Variants in C2CD4B observed in about 807,000 individuals in gnomAD.
The protein encoded by C2CD4B is C2 calcium dependent domain containing 4B.
For synonymous variants in C2CD4B, 347 were observed against 284.9 expected (o/e 1.22, Z -2.20); for missense variants, 644 against 577.7 (o/e 1.11, Z -1.18).
Position 62,164,790 on chromosome 15 carries a change from C to T in C2CD4B, c.195G>A (p.Trp65Ter), listed in dbSNP as rs757781866. 3 of 1,476,062 alleles carry T rather than the reference C, an allele frequency of 2.0e-6. No individual in the cohort carries two copies. The highest frequency in any genetic ancestry group is 8.9e-7 in the Non-Finnish European group (1 of 1,124,482). The allele number at this position is 1,476,062 out of a possible 1,614,324, so 91.4% of individuals were successfully genotyped here. The change falls in exon 2 of 2, where the codon TGG (tryptophan) becomes TGA (stop). Residue 65 changes from tryptophan (W) to a stop codon, truncating the protein, a stop_gained. Transcript: ENST00000380392. LOFTEE classifies it low-confidence loss of function (END_TRUNC). ...CGGCGTCCTCGTCTGCCGCGCGGGGCCACAGGTCGCTTTCAGCGGCGCAGC... is the reference window on the plus strand; with the variant it reads ...CGGCGTCCTCGTCTGCCGCGCGGGGTCACAGGTCGCTTTCAGCGGCGCAGC... ...PRRCAAESDL[W>*]PRAADEDAGR...
In C2CD4B at chr15:62,164,998, G is replaced by T; in HGVS notation, c.-14C>A. 1.3e-6 allele frequency: 2 copies of T among 1,499,480 alleles called. No homozygotes were observed. Among genetic ancestry groups the T allele is most frequent in the Non-Finnish European group, 1.8e-6 (2 of 1,125,816 alleles). 92.9% of individuals were successfully genotyped at this position (1,499,480 alleles called of 1,614,324 possible). On this transcript the variant is annotated 5_prime_UTR_variant, in exon 2 of 2. Transcript: ENST00000380392. ...GAGGAGCCGCATCCTTGGAGGCTGGGGCTAGGAGTGGCGGGAAGAGGTGCG... is the reference window on the plus strand; with the variant it reads ...GAGGAGCCGCATCCTTGGAGGCTGGTGCTAGGAGTGGCGGGAAGAGGTGCG...
Position 62,164,435 on chromosome 15 carries a change from G to A in C2CD4B, c.550C>T (p.Leu184=). Residue 184 remains leucine, a synonymous_variant, in exon 2 of 2, where the codon CTG becomes TTG. Transcript: ENST00000380392. The part of the protein sequence containing the change: ...CRLLRVPDGL[L]SRALRAGRSR... ...CTTCCAGCCCGCAGCGCGCGACTCA[G>A]CAGCCCGTCGGGGACGCGCAGGAGG... 5.2e-6 allele frequency: 7 copies of A among 1,351,570 alleles called. No homozygotes were observed. Among genetic ancestry groups the A allele is most frequent in the South Asian group, 3.8e-5 (2 of 52,904 alleles). 83.7% of individuals were successfully genotyped at this position (1,351,570 alleles called of 1,614,324 possible).
At position 62,164,097 on chromosome 15, in the gene C2CD4B, C is replaced by A; in HGVS notation, c.888G>T (p.Pro296=). The A allele has an allele frequency of 6.6e-7, 1 of 1,522,906 alleles. No individual in the cohort carries two copies. 94.3% of individuals were successfully genotyped at this position (1,522,906 alleles called of 1,614,324 possible). ...RCRLSLVLRP[P]GTARWQCSAV... ...CGCTGCATTGCCAACGCGCAGTGCC[C>A]GGCGGCCGCAGGACGAGGCTGAGGC... is the stretch of plus-strand genomic sequence containing the variant. The change falls in exon 2 of 2, where the codon CCG becomes CCT. Residue 296 remains proline, a synonymous_variant. Coordinates refer to ENST00000380392, the MANE Select transcript of C2CD4B (RefSeq NM_001007595.3).
rs1432992861 is a variant in C2CD4B, at chr15:62,163,977, G to C, written c.1008C>G (p.Val336=). 1 of 1,597,612 alleles carries C rather than the reference G, an allele frequency of 6.3e-7. No homozygotes were observed. The highest frequency in any genetic ancestry group is 8.5e-7 in the Non-Finnish European group (1 of 1,174,760). The change falls in exon 2 of 2, where the codon GTC becomes GTG. Residue 336 remains valine, a synonymous_variant. Coordinates refer to ENST00000380392, the MANE Select transcript of C2CD4B (RefSeq NM_001007595.3). ...GGCCGCGACCCTCATCCCGGGCCTT[G>C]ACGCGAACGGCCAGGCGGCGCACCT... The part of the protein sequence containing the change: ...EDEVRRLAVR[V]KARDEGRGRD...
rs769432161 is a variant in C2CD4B at position 62,164,935 on chromosome 15, G to C, written c.50C>G (p.Pro17Arg). 2 of 1,535,236 alleles carry C rather than the reference G, an allele frequency of 1.3e-6. No individual in the cohort carries two copies. The highest frequency in any genetic ancestry group is 1.7e-6 in the Non-Finnish European group (2 of 1,143,666). The change falls in exon 2 of 2, where the codon CCG becomes CGG. Residue 17 changes from proline (P) to arginine (R), a missense_variant. Transcript: ENST00000380392. ...GAGCACTTTGGCGAAGGCGGGCTTC[G>C]GCGCGGAGCTGCCTGCGGCCGAGGA... ...LCSSAAGSSA[P>R]KPAFAKVLTP...
Position 62,164,151 on chromosome 15 carries a change from G to T in C2CD4B, c.834C>A (p.Gly278=), listed in dbSNP as rs766686189. 6.9e-7 allele frequency: 1 copy of T among 1,456,184 alleles called. No individual in the cohort carries two copies. The highest frequency in any genetic ancestry group is 9.0e-7 in the Non-Finnish European group (1 of 1,114,578). The allele number at this position is 1,456,184 out of a possible 1,614,324, so 90.2% of individuals were successfully genotyped here. ...AGCGGACGGCGCGGGGCCCGGGGGC[G>T]CCTCCGAACAGGCTCTCCGCGCGGA... ...RLLRAESLFG[G]APGPRAVRCR... is the part of the protein sequence containing the mutation. Residue 278 remains glycine (G), a synonymous_variant, in exon 2 of 2, where the codon GGC becomes GGA. Transcript: ENST00000380392.
rs1440332817 is a variant in C2CD4B at position 62,164,903 on chromosome 15, T to G, written c.82A>C (p.Asn28His). The change falls in exon 2 of 2, where the codon AAT (asparagine) becomes CAT (histidine). Residue 28 changes from asparagine (N) to histidine (H), a missense_variant. Coordinates refer to ENST00000380392, the MANE Select transcript of C2CD4B (RefSeq NM_001007595.3). ...KPAFAKVLTP[N>H]RIPEFCIPPR... Reference sequence around the variant, plus strand: ...GGGATGCAGAATTCGGGGATGCGATTCGGCGTGAGCACTTTGGCGAAGGCG... The same window carrying G: ...GGGATGCAGAATTCGGGGATGCGATGCGGCGTGAGCACTTTGGCGAAGGCG... 1.3e-6 allele frequency: 2 copies of G among 1,532,962 alleles called. No homozygotes were observed. Among genetic ancestry groups the G allele is most frequent in the Admixed American group, 2.0e-5 (1 of 49,858 alleles). The allele number at this position is 1,532,962 out of a possible 1,614,324, so 95.0% of individuals were successfully genotyped here. A position where few individuals can be genotyped will look rare whatever the true frequency, so the allele number is the denominator to read the frequency against.
In C2CD4B at chr15:62,164,418, C is replaced by T. The variant is rs2049588341; in HGVS notation, c.567G>A (p.Arg189=). The change falls in exon 2 of 2, where the codon CGG becomes CGA. Residue 189 remains arginine, a synonymous_variant. Coordinates refer to ENST00000380392, the MANE Select transcript of C2CD4B (RefSeq NM_001007595.3). The part of the protein sequence containing the change: ...VPDGLLSRAL[R]AGRSRRLARV... ...GGGCCAGGCGGCGACTCCTTCCAGC[C>T]CGCAGCGCGCGACTCAGCAGCCCGT... The T allele has an allele frequency of 7.1e-7, 1 of 1,404,686 alleles. No individual in the cohort carries two copies. The allele number at this position is 1,404,686 out of a possible 1,614,324, so 87.0% of individuals were successfully genotyped here.
At position 62,164,678 on chromosome 15, in the gene C2CD4B, G is replaced by A. The variant is rs1470059730; in HGVS notation, c.307C>T (p.Leu103=). ...RVRTTYGFCA[L]LESPHTRRKE... ...CGGCGCGTGTGCGGGCTCTCGAGCA[G>A]CGCGCAGAAGCCGTAGGTGGTGCGC... Residue 103 remains leucine (L), a synonymous_variant, in exon 2 of 2, where the codon CTG becomes TTG. Coordinates refer to ENST00000380392, the MANE Select transcript of C2CD4B (RefSeq NM_001007595.3). The A allele has an allele frequency of 6.9e-7, 1 of 1,452,336 alleles. No individual in the cohort carries two copies. The highest frequency in any genetic ancestry group is 9.0e-7 in the Non-Finnish European group (1 of 1,107,360). The allele number at this position is 1,452,336 out of a possible 1,614,324, so 90.0% of individuals were successfully genotyped here.
At position 62,164,081 on chromosome 15, in the gene C2CD4B, G is replaced by A. The variant is rs1334783031; in HGVS notation, c.904C>T (p.Gln302Ter). 1.9e-6 allele frequency: 3 copies of A among 1,555,066 alleles called. No individual in the cohort carries two copies. Among genetic ancestry groups the A allele is most frequent in the East Asian group, 4.9e-5 (2 of 40,828 alleles). ...VLRPPGTARW[Q>*]CSAVVGRSRK... ...CTGCGCCCCACCACAGCGCTGCATT[G>A]CCAACGCGCAGTGCCCGGCGGCCGC... The change falls in exon 2 of 2, where the codon CAA becomes TAA. Residue 302 changes from glutamine to a stop codon, truncating the protein, a stop_gained. Coordinates refer to ENST00000380392, the MANE Select transcript of C2CD4B (RefSeq NM_001007595.3). LOFTEE classifies it low-confidence loss of function (END_TRUNC).
At chr15:62,165,167 C>G (rs7495253) in intron 1 of C2CD4B, 28 bp downstream of exon 1, 152,943 of 617,502 alleles carry the variant, frequency 0.25, 19,999 homozygotes, top group Middle Eastern at 0.27. Flanking sequence ...CTCCCCTGCA[C>G]CCACAACAAA....
chr15:62,163,993 C>T lies in C2CD4B; in HGVS notation c.992G>A (p.Arg331His), dbSNP rs1345251443. The change falls in exon 2 of 2, where the codon CGC becomes CAC. Residue 331 changes from arginine to histidine, a missense_variant. By Grantham distance (29) the Arg-to-His change is conservative. Transcript: ENST00000380392. ...CCGGGCCTTGACGCGAACGGCCAGG[C>T]GGCGCACCTCGTCTTCCGAGAGGCC... ...FDGLSEDEVR[R>H]LAVRVKARDE... 2 of 1,600,166 alleles carry T rather than the reference C, an allele frequency of 1.2e-6. No homozygotes were observed. The highest frequency in any genetic ancestry group is 8.5e-7 in the Non-Finnish European group (1 of 1,175,724).
rs1314161857 is a variant in C2CD4B, at chr15:62,164,781, C to T, written c.204G>A (p.Ala68=). The T allele has an allele frequency of 1.4e-6, 2 of 1,478,788 alleles. No homozygotes were observed. Among genetic ancestry groups the T allele is most frequent in the East Asian group, 2.8e-5 (1 of 35,456 alleles). The allele number at this position is 1,478,788 out of a possible 1,614,324, so 91.6% of individuals were successfully genotyped here. A position where few individuals can be genotyped will look rare whatever the true frequency, so the allele number is the denominator to read the frequency against. ...CAAESDLWPR[A]ADEDAGRTDW... The stretch of plus-strand genomic sequence containing the variant: ...CCGTGCGGCCGGCGTCCTCGTCTGC[C>T]GCGCGGGGCCACAGGTCGCTTTCAG... The change falls in exon 2 of 2, where the codon GCG becomes GCA. Residue 68 remains alanine (A), a synonymous_variant. Transcript: ENST00000380392.
Position 62,164,327 on chromosome 15 carries a change from G to A in C2CD4B, c.658C>T (p.Arg220Trp), listed in dbSNP as rs918812564. 7.6e-5 allele frequency: 107 copies of A among 1,402,418 alleles called. No individual in the cohort carries two copies. Among genetic ancestry groups the A allele is most frequent in the African/African-American group, 1.2e-4 (8 of 66,166 alleles). 86.9% of individuals were successfully genotyped at this position (1,402,418 alleles called of 1,614,324 possible). A position where few individuals can be genotyped will look rare whatever the true frequency, so the allele number is the denominator to read the frequency against. The change falls in exon 2 of 2, where the codon CGG (arginine) becomes TGG (tryptophan). Residue 220 changes from arginine to tryptophan, a missense_variant. By Grantham distance (101) the Arg-to-Trp change is moderately radical. Transcript: ENST00000380392. ...GACAGCGGGCTCGAGGAGGGGGCCCGGGCCGGGGACTCGGATCCCGCGCGG... is the reference window on the plus strand; with the variant it reads ...GACAGCGGGCTCGAGGAGGGGGCCCAGGCCGGGGACTCGGATCCCGCGCGG... ...ERRAGSESPARAPSSSPLSSR... is the reference protein window; with the variant it reads ...ERRAGSESPAWAPSSSPLSSR...
Position 62,164,461 on chromosome 15 carries a change from C to A in C2CD4B, c.524G>T (p.Arg175Leu), listed in dbSNP as rs2049589145. Residue 175 changes from arginine (R) to leucine (L), a missense_variant, in exon 2 of 2, where the codon CGC becomes CTC. Transcript: ENST00000380392. Reference sequence around the variant, plus strand: ...CAGCCCGTCGGGGACGCGCAGGAGGCGGCAGCGGCGGGGCCCCGCAGCGAG... The same window carrying A: ...CAGCCCGTCGGGGACGCGCAGGAGGAGGCAGCGGCGGGGCCCCGCAGCGAG... ...DALAAGPRRC[R>L]LLRVPDGLLS... 7.8e-7 allele frequency: 1 copy of A among 1,287,558 alleles called. No homozygotes were observed. Among genetic ancestry groups the A allele is most frequent in the East Asian group, 3.2e-5 (1 of 31,508 alleles). 79.8% of individuals were successfully genotyped at this position (1,287,558 alleles called of 1,614,324 possible).
In C2CD4B at chr15:62,164,001, C is replaced by T. The variant is rs1133665; in HGVS notation, c.984G>A (p.Glu328=). 6.2e-7 allele frequency: 1 copy of T among 1,601,478 alleles called. No homozygotes were observed. The highest frequency in any genetic ancestry group is 8.5e-7 in the Non-Finnish European group (1 of 1,176,270). The change falls in exon 2 of 2, where the codon GAG becomes GAA. Residue 328 remains glutamate (E), a synonymous_variant. Coordinates refer to ENST00000380392, the MANE Select transcript of C2CD4B (RefSeq NM_001007595.3). ...DFCFDGLSED[E]VRRLAVRVKA... is the part of the protein sequence containing the mutation. ...TGACGCGAACGGCCAGGCGGCGCAC[C>T]TCGTCTTCCGAGAGGCCGTCGAAGC...
chr15:62,164,617 G>T lies in C2CD4B; in HGVS notation c.368C>A (p.Pro123His). The T allele has an allele frequency of 7.8e-7, 1 of 1,279,134 alleles. No individual in the cohort carries two copies. 79.2% of individuals were successfully genotyped at this position (1,279,134 alleles called of 1,614,324 possible). A position where few individuals can be genotyped will look rare whatever the true frequency, so the allele number is the denominator to read the frequency against. ...ESLLLGGPPA[P>H]RPRAHSCGGG... ...GCCGCAGCTGTGGGCCCGGGGCCGG[G>T]GCGCGGGCGGGCCCCCGAGCAGGAG... Residue 123 changes from proline (P) to histidine (H), a missense_variant, in exon 2 of 2, where the codon CCC (proline) becomes CAC (histidine). Transcript: ENST00000380392.
chr15:62,164,097 C>G lies in C2CD4B; in HGVS notation c.888G>C (p.Pro296=), dbSNP rs758716425. ...CGCTGCATTGCCAACGCGCAGTGCC[C>G]GGCGGCCGCAGGACGAGGCTGAGGC... ...RCRLSLVLRP[P]GTARWQCSAV... is the part of the protein sequence containing the mutation. Residue 296 remains proline, a synonymous_variant, in exon 2 of 2, where the codon CCG becomes CCC. Coordinates refer to ENST00000380392, the MANE Select transcript of C2CD4B (RefSeq NM_001007595.3). 2 of 1,522,906 alleles carry G rather than the reference C, an allele frequency of 1.3e-6. No homozygotes were observed. The highest frequency in any genetic ancestry group is 1.2e-5 in the South Asian group (1 of 81,584). 94.3% of individuals were successfully genotyped at this position (1,522,906 alleles called of 1,614,324 possible). A position where few individuals can be genotyped will look rare whatever the true frequency, so the allele number is the denominator to read the frequency against.
Position 62,164,637 on chromosome 15 carries a change from C to T in C2CD4B, c.348G>A (p.Leu116=), listed in dbSNP as rs1466882489. The T allele has an allele frequency of 5.0e-6, 7 of 1,391,556 alleles. No homozygotes were observed. Among genetic ancestry groups the T allele is most frequent in the East Asian group, 3.1e-5 (1 of 31,882 alleles). 86.2% of individuals were successfully genotyped at this position (1,391,556 alleles called of 1,614,324 possible). A position where few individuals can be genotyped will look rare whatever the true frequency, so the allele number is the denominator to read the frequency against. ...GCCGGGGCGCGGGCGGGCCCCCGAGCAGGAGCGACTCCTTGCGGCGCGTGT... is the reference window on the plus strand; with the variant it reads ...GCCGGGGCGCGGGCGGGCCCCCGAGTAGGAGCGACTCCTTGCGGCGCGTGT... ...SPHTRRKESL[L]LGGPPAPRPR... is the part of the protein sequence containing the mutation. The change falls in exon 2 of 2, where the codon CTG becomes CTA. Residue 116 remains leucine (L), a synonymous_variant. Transcript: ENST00000380392.
Sources: gnomAD v4.1 joint callset for allele counts on GRCh38, gnomAD v4.1.1 for gene constraint, MANE v1.5 for transcripts, NCBI Gene and HGNC (gene_info 2026-07-23, HGNC 2026-07-21) for gene names.